SPDYE5: variants seen among roughly 807,000 people sequenced by gnomAD.
SPDYE5 encodes the protein speedy/RINGO cell cycle regulator family member E5.
In SPDYE5, 15 loss-of-function variants were observed where a neutral mutation model predicts 48.5. The observed-to-expected ratio is 0.31, with a 90% confidence interval of 0.21 to 0.48. The LOEUF (loss-of-function observed/expected upper bound fraction) is 0.48, where lower values mean the gene tolerates loss of function less well. Among genes scored for constraint, SPDYE5 ranks in the 20% least tolerant of loss-of-function variants. The pLI, the probability that SPDYE5 is intolerant of heterozygous loss-of-function variation, is 0.99. For missense variants in SPDYE5, 331 were observed against 549.1 expected, an observed-to-expected ratio of 0.60 and a Z score of 3.97; for synonymous variants, 116 against 200.7, an observed-to-expected ratio of 0.58 and a Z score of 3.57.
intron 5 of SPDYE5, among the ~76,000 whole-genome samples, chr7:75,498,369 C>T (rs1267058009): frequency 6.6e-6 from 1 of 152,038 alleles, no homozygotes; most frequent in Admixed American, 6.6e-5. Flanking sequence ...GGCGATCCAC[C>T]TGCCTTGGCC....
intron 5 of SPDYE5, among the ~76,000 whole-genome samples, chr7:75,498,957 T>G (rs374230381): frequency 0.42 from 45,964 of 109,840 alleles, 9,344 homozygotes; most frequent in East Asian, 0.93. Flanking sequence ...AGACCCTCCT[T>G]ACACCAGCCG....
chr7:75,494,520 A>G (rs1404420251), intron 2 of SPDYE5, among the ~76,000 whole-genome samples: 10 of 148,788 alleles, frequency 6.7e-5, no homozygotes, highest in Non-Finnish European at 1.3e-4. Context: ...GCACTCCAAA[A>G]AAAAAAAAAA....
At chr7:75,500,708 G>A (rs1367195474) in intron 6 of SPDYE5, among the ~76,000 whole-genome samples, 2 of 152,014 alleles carry the variant, frequency 1.3e-5, no homozygotes, top group Non-Finnish European at 2.9e-5. Flanking sequence ...CTGTTTGTTT[G>A]TTTGTTTGTT....
At chr7:75,497,634 G>C (rs1239423055) in intron 4 of SPDYE5, among the ~76,000 whole-genome samples, 26 of 146,916 alleles carry the variant, frequency 1.8e-4, no homozygotes, top group Non-Finnish European at 3.0e-5. Flanking sequence ...GAAATGATGG[G>C]AATTCCTTTA....
At chr7:75,502,768 G>A (rs1360419949) in intron 8 of SPDYE5, 65 bp from the exon 9 acceptor site, 14 of 1,016,512 alleles carry the variant, frequency 1.4e-5, no homozygotes, top group South Asian at 1.1e-4. Flanking sequence ...GACATGGGAC[G>A]TGAATAACCT....
At chr7:75,494,527 AAAAAAG>A (rs1160884613) in intron 2 of SPDYE5, among the ~76,000 whole-genome samples, 7 of 151,062 alleles carry the variant, frequency 4.6e-5, no homozygotes, top group Non-Finnish European at 7.4e-5. Context: ...AAAAAAAAAA[AAAAAAG>A]AAAAGAAAAG....
chr7:75,498,257 G>T (rs1354264672), intron 5 of SPDYE5, among the ~76,000 whole-genome samples: 8 of 151,474 alleles, frequency 5.3e-5, no homozygotes, highest in African/African-American at 1.9e-4. Flanking sequence ...CCAAGCAGCT[G>T]GGATTACAGA....
rs1407785487 is a variant in SPDYE5, at chr7:75,492,330, C to T, written c.-533C>T. ...AAAGCAGAGCTTCCTAACAATGGGA[C>T]TTCCACAGCAATGGGATCTGCTTCC... On this transcript the variant is annotated 5_prime_UTR_variant, in exon 1 of 9. Transcript: ENST00000625065. 6.6e-6 allele frequency among the ~76,000 whole-genome samples: 1 copy of T among 152,134 alleles called. No homozygotes were observed. The highest frequency in any genetic ancestry group is 2.4e-5 in the African/African-American group (1 of 41,428).
chr7:75,494,518 A>C lies in SPDYE5; in HGVS notation c.160+311A>C, dbSNP rs1554482181. ...GCTGAGATCACGCTACTGCACTCCA[A>C]AAAAAAAAAAAAAAGAAAAGAAAAG... is the stretch of plus-strand genomic sequence containing the variant. On this transcript the variant is annotated intron_variant, in intron 2 of 8. Transcript: ENST00000625065. Among the ~76,000 whole-genome samples, 63 of 1,462 alleles carry C rather than the reference A, an allele frequency of 0.043. 2 individuals carry two copies. The East Asian group carries it at 0.45, about 10-fold the overall frequency. The allele number at this position is 1,462 out of a possible 152,430, so 1.0% of individuals were successfully genotyped here.
chr7:75,493,848 T>C lies in SPDYE5; in HGVS notation c.-200T>C. ...AGCCTGGCAGTTACATGTGTTTTTT[T>C]TCAAACTGGTTGCCAGGTTGGCATG... On this transcript the variant is annotated 5_prime_UTR_variant, in exon 2 of 9. Transcript: ENST00000625065. The C allele has an allele frequency of 6.9e-7, 1 of 1,440,570 alleles. No homozygotes were observed. Among genetic ancestry groups the C allele is most frequent in the Non-Finnish European group, 9.1e-7 (1 of 1,102,810 alleles). 89.2% of individuals were successfully genotyped at this position (1,440,570 alleles called of 1,614,324 possible). A position where few individuals can be genotyped will look rare whatever the true frequency, so the allele number is the denominator to read the frequency against.
chr7:75,501,716 G>C lies in SPDYE5; in HGVS notation c.1110G>C (p.Met370Ile). 1 of 1,613,342 alleles carries C rather than the reference G, an allele frequency of 6.2e-7. No homozygotes were observed. The highest frequency in any genetic ancestry group is 8.5e-7 in the Non-Finnish European group (1 of 1,180,024). The change falls in exon 7 of 9, where the codon ATG (methionine) becomes ATC (isoleucine). Residue 370 changes from methionine to isoleucine, a missense_variant. This residue lies in a region of SPDYE5 where 101 missense variants were observed against 104.0 expected (regional missense o/e 0.97). Coordinates refer to ENST00000625065, the MANE Select transcript of SPDYE5 (RefSeq NM_001306141.4). ...GTCGGTTCCAGTTCTTCTGTTCCAT[G>C]AGCGGCAGGGCTTGGGTTTCCCCGG... ...QKRRFQFFCSMSGRAWVSPEE... is the reference protein window; with the variant it reads ...QKRRFQFFCSISGRAWVSPEE...
At chr7:75,497,545 T>C (rs1208890254) in intron 4 of SPDYE5, among the ~76,000 whole-genome samples, 2 of 148,978 alleles carry the variant, frequency 1.3e-5, no homozygotes, top group Admixed American at 1.3e-4. Context: ...TCTTACTGAC[T>C]TTTCTAAACC....
rs587740522 is a variant in SPDYE5 at position 75,493,032 on chromosome 7, C to T, written c.-422+591C>T. Among the ~76,000 whole-genome samples the T allele has an allele frequency of 2.0e-5, 3 of 152,054 alleles. No individual in the cohort carries two copies. In the East Asian group the frequency reaches 5.8e-4, roughly 30 times the overall value. Reference sequence around the variant, plus strand: ...GCCTATACTGGTCTTGAACTGCTGGCCTCAGGCAATCTTCCTCCCTTGGCC... The same window carrying T: ...GCCTATACTGGTCTTGAACTGCTGGTCTCAGGCAATCTTCCTCCCTTGGCC... On this transcript the variant is annotated intron_variant, in intron 1 of 8. Transcript: ENST00000625065.
At chr7:75,501,086 C>T (rs1192772027) in intron 6 of SPDYE5, among the ~76,000 whole-genome samples, 8 of 152,194 alleles carry the variant, frequency 5.3e-5, no homozygotes, top group Non-Finnish European at 1.2e-4. Flanking sequence ...CTCAAGTGAT[C>T]CTCCTGCTTT....
chr7:75,499,954 A>G lies in SPDYE5; in HGVS notation c.755+638A>G, dbSNP rs1294715461. ...GTTCTTCTCTCTCTCTCCTTCCCAC[A>G]TCAACCACAAACGCCATCGACCTCC... On this transcript the variant is annotated intron_variant, in intron 6 of 8. Coordinates refer to ENST00000625065, the MANE Select transcript of SPDYE5 (RefSeq NM_001306141.4). Among the ~76,000 whole-genome samples the G allele has an allele frequency of 2.8e-4, 39 of 139,862 alleles. 1 individual carries two copies. Among genetic ancestry groups the G allele is most frequent in the African/African-American group, 9.9e-4 (37 of 37,222 alleles). 91.8% of individuals were successfully genotyped at this position (139,862 alleles called of 152,430 possible).
chr7:75,494,258 G>A, intron 2 of SPDYE5, 51 bp downstream of exon 2: 1 of 1,530,242 alleles, frequency 6.5e-7, no homozygotes, highest in South Asian at 1.2e-5. Flanking sequence ...TAAGACGAAG[G>A]AAGGGGGCCA....
At chr7:75,500,698 CTGTTTGTT>C (rs782670615) in intron 6 of SPDYE5, among the ~76,000 whole-genome samples, 1 of 151,956 alleles carries the variant, frequency 6.6e-6, no homozygotes, top group African/African-American at 2.4e-5. Context: ...CACACCTGGA[CTGTTTGTT>C]TGTTTGTTTG....
intron 2 of SPDYE5, among the ~76,000 whole-genome samples, chr7:75,494,613 G>A (rs1249655139): frequency 6.6e-6 from 1 of 151,806 alleles, no homozygotes; most frequent in Non-Finnish European, 1.5e-5. Context: ...CAGGCTGGGT[G>A]TGGTGGCTTA....
At position 75,501,502 on chromosome 7, in the gene SPDYE5, C is replaced by T. The variant is rs1554483480; in HGVS notation, c.896C>T (p.Ala299Val). The T allele has an allele frequency of 1.1e-6, 1 of 906,872 alleles. No homozygotes were observed. Among genetic ancestry groups the T allele is most frequent in the South Asian group, 1.8e-5 (1 of 54,714 alleles). The allele number at this position is 906,872 out of a possible 1,614,324, so 56.2% of individuals were successfully genotyped here. ...FQLGRSMNPR[A>V]RKKRSRIPLL... Reference sequence around the variant, plus strand: ...TTAGGCCGTTCCATGAACCCGAGGGCCAGGAAGAAGCGCTCTCGCATACCC... The same window carrying T: ...TTAGGCCGTTCCATGAACCCGAGGGTCAGGAAGAAGCGCTCTCGCATACCC... Residue 299 changes from alanine to valine, a missense_variant, in exon 7 of 9, where the codon GCC (alanine) becomes GTC (valine). Ala to Val is a moderately conservative substitution (Grantham distance 64, BLOSUM62 0). Transcript: ENST00000625065.
Sources: allele counts gnomAD v4.1 joint callset (sites outside exome capture counted in the v4.1 genomes callset), GRCh38; gene constraint gnomAD v4.1.1; regional missense constraint gnomAD v4.1.1; transcripts MANE v1.5; gene names NCBI Gene and HGNC (gene_info 2026-07-23, HGNC 2026-07-21).